CACNA2D3: variants seen among roughly 807,000 people sequenced by gnomAD.
CACNA2D3 encodes the protein voltage-dependent calcium channel subunit alpha-2/delta-3.
Under a neutral mutation model 160.6 loss-of-function variants are expected in CACNA2D3, and 60 were observed. The ratio of observed to expected loss-of-function variants is 0.37; its 90% CI spans 0.30 to 0.46. CACNA2D3 has a LOEUF of 0.46. CACNA2D3 is among the 20% of genes least tolerant of loss of function. The pLI is 1.00. For missense variants in CACNA2D3, 1,205 were observed against 1,365.0 expected, an observed-to-expected ratio of 0.88 and a Z score of 1.85; for synonymous variants, 558 against 492.9, an observed-to-expected ratio of 1.13 and a Z score of -1.75.
At chr3:54,171,731 G>C (rs1229341386) in intron 2 of CACNA2D3, among the ~76,000 whole-genome samples, 2 of 152,124 alleles carry the variant, frequency 1.3e-5, no homozygotes, top group African/African-American at 4.8e-5. Context: ...CCAGGACCAT[G>C]GTCTGTGGCT....
At chr3:54,337,820 A>C (rs879547795) in intron 3 of CACNA2D3, among the ~76,000 whole-genome samples, 4 of 152,192 alleles carry the variant, frequency 2.6e-5, no homozygotes, top group Non-Finnish European at 5.9e-5. Context: ...TATGTCTTCA[A>C]AGTGATTTAT....
rs368176101 is a variant in CACNA2D3, at chr3:54,123,563, C to T, written c.173C>T (p.Ala58Val). 4.0e-5 allele frequency: 64 copies of T among 1,613,806 alleles called. 1 individual carries two copies. In the African/African-American group the frequency reaches 8.0e-4, roughly 20 times the overall value. The change falls in exon 2 of 38, where the codon GCT becomes GTT. Residue 58 changes from alanine (A) to valine (V), a missense_variant. Coordinates refer to ENST00000474759, the MANE Select transcript of CACNA2D3 (RefSeq NM_018398.3). ...GGTGGGGAGATAAAATCCATTGCTG[C>T]TAAGTACTCCGGTTCCCAGCTTCTG... ...AFGGEIKSIA[A>V]KYSGSQLLQK... is the part of the protein sequence containing the mutation.
At chr3:54,338,011 G>T (rs911864542) in intron 3 of CACNA2D3, among the ~76,000 whole-genome samples, 2 of 152,182 alleles carry the variant, frequency 1.3e-5, no homozygotes, top group Non-Finnish European at 2.9e-5. Flanking sequence ...TGTCTGGCTC[G>T]ATGGCTGTTG....
chr3:54,168,599 G>T (rs1378218184), intron 2 of CACNA2D3, among the ~76,000 whole-genome samples: 1 of 152,154 alleles, frequency 6.6e-6, no homozygotes, highest in Admixed American at 6.5e-5. Flanking sequence ...CAGAGTGTTT[G>T]CTGAGGTCAG....
chr3:55,037,618 T>A (rs358491), intron 35 of CACNA2D3, among the ~76,000 whole-genome samples: 4,981 of 152,298 alleles, frequency 0.033, 281 homozygotes, highest in African/African-American at 0.11. Flanking sequence ...GATGGATTTC[T>A]CCAGATCACC....
intron 5 of CACNA2D3, among the ~76,000 whole-genome samples, chr3:54,529,813 T>A (rs1403694000): frequency 6.6e-6 from 1 of 152,228 alleles, no homozygotes; most frequent in East Asian, 1.9e-4. Flanking sequence ...TTAAGTGATA[T>A]AATTTTTTTA....
intron 27 of CACNA2D3, among the ~76,000 whole-genome samples, chr3:54,913,116 A>T (rs1421880343): frequency 2.6e-5 from 4 of 152,124 alleles, no homozygotes; most frequent in African/African-American, 9.6e-5. Flanking sequence ...ATAGGATCTC[A>T]CTCGGTCACT....
chr3:54,736,096 T>TATAA (rs1701515476), intron 11 of CACNA2D3, among the ~76,000 whole-genome samples: 1 of 19,650 alleles, frequency 5.1e-5, no homozygotes, highest in Non-Finnish European at 1.1e-4. Flanking sequence ...TGTGTATATA[T>TATAA]ATACATATAT....
At chr3:54,557,719 A>C (rs1289906971) in intron 5 of CACNA2D3, among the ~76,000 whole-genome samples, 3 of 152,188 alleles carry the variant, frequency 2.0e-5, no homozygotes, top group Non-Finnish European at 4.4e-5. Context: ...GGTGAGTCAC[A>C]ATAATCGTTA....
intron 11 of CACNA2D3, among the ~76,000 whole-genome samples, chr3:54,736,860 C>G (rs1299936368): frequency 6.6e-6 from 1 of 152,150 alleles, no homozygotes; most frequent in Non-Finnish European, 1.5e-5. Context: ...GACAGATTCT[C>G]ACCCTTTGTA....
intron 2 of CACNA2D3, among the ~76,000 whole-genome samples, chr3:54,254,448 G>A (rs9828485): frequency 0.25 from 37,685 of 152,182 alleles, 4,960 homozygotes; most frequent in African/African-American, 0.33. Flanking sequence ...GAGGAGTGCA[G>A]TGAGGTATCC....
At chr3:55,069,325 T>C (rs186581177) in intron 35 of CACNA2D3, among the ~76,000 whole-genome samples, 1 of 152,340 alleles carries the variant, frequency 6.6e-6, no homozygotes, top group East Asian at 1.9e-4. Context: ...ATTAAAAAGT[T>C]AATTAAGAGA....
intron 14 of CACNA2D3, among the ~76,000 whole-genome samples, chr3:54,822,794 T>TC (rs1553874273): frequency 0.037 from 2,314 of 62,012 alleles, 28 homozygotes; most frequent in Non-Finnish European, 0.047. Flanking sequence ...TTCTTTCCTT[T>TC]CTTTCTTTCT....
chr3:54,784,101 A>C (rs1702585775), intron 13 of CACNA2D3, among the ~76,000 whole-genome samples: 1 of 152,190 alleles, frequency 6.6e-6, no homozygotes. Flanking sequence ...TTTGTATGGT[A>C]AGTCTGTCCA....
At chr3:54,602,946 T>C (rs1703090633) in intron 9 of CACNA2D3, among the ~76,000 whole-genome samples, 1 of 152,170 alleles carries the variant, frequency 6.6e-6, no homozygotes, top group Non-Finnish European at 1.5e-5. Flanking sequence ...CACCTCATAA[T>C]CTGGGATTCC....
At chr3:54,911,427 C>T (rs776131697) in intron 27 of CACNA2D3, among the ~76,000 whole-genome samples, 7 of 142,092 alleles carry the variant, frequency 4.9e-5, no homozygotes, top group Admixed American at 1.5e-4. Context: ...CTCCTGGGCT[C>T]GAGTGATCCT....
rs373793608 is a variant in CACNA2D3, at chr3:55,051,648, G to C, written c.2988-21797G>C. On this transcript the variant is annotated intron_variant, in intron 35 of 37. Transcript: ENST00000474759. Reference sequence around the variant, plus strand: ...TGGGCTCCACCCAGTTCGAGCTTCCGGGCTGCTTTGTTTACCTAAGCAAGC... The same window carrying C: ...TGGGCTCCACCCAGTTCGAGCTTCCCGGCTGCTTTGTTTACCTAAGCAAGC... Among the ~76,000 whole-genome samples the C allele has an allele frequency of 5.8e-3, 882 of 152,142 alleles. 11 individuals are homozygous for C. The highest frequency in any genetic ancestry group is 0.018 in the African/African-American group (735 of 41,466).
chr3:54,363,950 C>T (rs968094896), intron 3 of CACNA2D3, among the ~76,000 whole-genome samples: 1 of 152,170 alleles, frequency 6.6e-6, no homozygotes, highest in African/African-American at 2.4e-5. Context: ...CCCACAGAGA[C>T]TGATGGACAT....
chr3:54,936,910 T>A (rs1352986241), intron 27 of CACNA2D3, among the ~76,000 whole-genome samples: 1 of 152,116 alleles, frequency 6.6e-6, no homozygotes, highest in Non-Finnish European at 1.5e-5. Context: ...ATAAACTCCG[T>A]GTATGCTCTC....
Sources: allele counts gnomAD v4.1 joint callset (sites outside exome capture counted in the v4.1 genomes callset), GRCh38; gene constraint gnomAD v4.1.1; transcripts MANE v1.5; gene names NCBI Gene and HGNC (gene_info 2026-07-23, HGNC 2026-07-21).